Variants in TMOD3 observed in about 807,000 individuals in gnomAD.
TMOD3 encodes the protein tropomodulin 3.
Under a neutral mutation model 39.2 loss-of-function variants are expected in TMOD3, and 20 were observed. The observed-to-expected ratio is 0.51, with a 90% CI of 0.36 to 0.74. The LOEUF (loss-of-function observed/expected upper bound fraction) is 0.74. Among genes scored for constraint, TMOD3 ranks in the 30% least tolerant of loss-of-function variants. The probability of loss-of-function intolerance (pLI) is 0.00; values close to 1 mark genes in which losing one functional copy is unlikely to be tolerated. For missense variants in TMOD3, 381 were observed against 412.8 expected (o/e 0.92, Z 0.67); for synonymous variants, 143 against 145.8 (o/e 0.98, Z 0.14).
Position 51,914,016 on chromosome 15 carries a change from A to G in TMOD3, c.*5206A>G. On this transcript the variant is annotated 3_prime_UTR_variant, in exon 10 of 10. Transcript: ENST00000308580. Reference sequence around the variant, plus strand: ...CAATGAGAGTGAAACTCTTATCTCAAAAAAAAAAAAAAAAAAAGAGCTATA... The same window carrying G: ...CAATGAGAGTGAAACTCTTATCTCAGAAAAAAAAAAAAAAAAAGAGCTATA... 1 of 23,796 alleles carries G rather than the reference A, an allele frequency of 4.2e-5. No homozygotes were observed. Among genetic ancestry groups the G allele is most frequent in the African/African-American group, 2.4e-4 (1 of 4,140 alleles). 1.5% of individuals were successfully genotyped at this position (23,796 alleles called of 1,614,324 possible). A position where few individuals can be genotyped will look rare whatever the true frequency, so the allele number is the denominator to read the frequency against.
In TMOD3 at chr15:51,908,849, C is replaced by CT. The variant is rs763018645; in HGVS notation, c.*39_*40insT. The stretch of plus-strand genomic sequence containing the variant: ...TAATCTTTGGAAGACTTCAGAAGAT[C>CT]ACCAAGGGCTCATGTTGGTGACATC... On this transcript the variant is annotated 3_prime_UTR_variant, in exon 10 of 10. Transcript: ENST00000308580. The CT allele has an allele frequency of 1.1e-5, 17 of 1,559,586 alleles. No individual in the cohort carries two copies. In the South Asian group the frequency reaches 1.6e-4, roughly 15 times the overall value.
chr15:51,899,665 C>CAA (rs796730770), intron 7 of TMOD3, among the ~76,000 whole-genome samples: 1 of 88,612 alleles, frequency 1.1e-5, no homozygotes, highest in African/African-American at 4.1e-5. Flanking sequence ...GACCCTGTCT[C>CAA]AAAAAAAAAA....
At chr15:51,866,267 C>T (rs2056444962) in intron 2 of TMOD3, among the ~76,000 whole-genome samples, 1 of 151,970 alleles carries the variant, frequency 6.6e-6, no homozygotes, top group Non-Finnish European at 1.5e-5. Context: ...CCATCCTGGG[C>T]AACATAGCAA....
At chr15:51,875,753 C>A (rs1411887786) in intron 3 of TMOD3, among the ~76,000 whole-genome samples, 1 of 151,866 alleles carries the variant, frequency 6.6e-6, no homozygotes, top group African/African-American at 2.4e-5. Flanking sequence ...GTAACTGGGA[C>A]TACAGGCAGC....
rs1292546584 is a variant in TMOD3 at position 51,913,422 on chromosome 15, G to A, written c.*4612G>A. On this transcript the variant is annotated 3_prime_UTR_variant, in exon 10 of 10. Coordinates refer to ENST00000308580, the MANE Select transcript of TMOD3 (RefSeq NM_014547.5). ...TTCAGATTAGGGATGCTGAACTGGT[G>A]TAATGCCCAGTATTCCAAAATCCAA... is the stretch of plus-strand genomic sequence containing the variant. 1.3e-5 allele frequency: 2 copies of A among 152,174 alleles called. No individual in the cohort carries two copies. The highest frequency in any genetic ancestry group is 2.4e-5 in the African/African-American group (1 of 41,434). 9.4% of individuals were successfully genotyped at this position (152,174 alleles called of 1,614,324 possible).
At chr15:51,844,138 C>T (rs770592713) in intron 1 of TMOD3, among the ~76,000 whole-genome samples, 4 of 152,126 alleles carry the variant, frequency 2.6e-5, no homozygotes, top group Non-Finnish European at 5.9e-5. Flanking sequence ...TGGGGTCCTC[C>T]TGGATATATA....
intron 1 of TMOD3, chr15:51,833,193 T>C (rs1366173050): frequency 6.6e-6 from 1 of 152,246 alleles, no homozygotes; most frequent in Non-Finnish European, 1.5e-5. Flanking sequence ...GAACATACAT[T>C]CTGTTATCTA....
At chr15:51,893,757 T>G in intron 5 of TMOD3, 58 bp from the exon 6 acceptor site, 2 of 1,376,028 alleles carry the variant, frequency 1.5e-6, no homozygotes, top group Non-Finnish European at 1.9e-6. Flanking sequence ...AGTGCGAGAC[T>G]CCGTCTCAAA....
At chr15:51,906,123 G>A (rs569150803) in intron 9 of TMOD3, among the ~76,000 whole-genome samples, 1 of 152,216 alleles carries the variant, frequency 6.6e-6, no homozygotes, top group South Asian at 2.1e-4. Flanking sequence ...TTGCCCCATT[G>A]TCCTCTGTTG....
At chr15:51,892,440 G>T (rs532782135) in intron 5 of TMOD3, 3 of 152,366 alleles carry the variant, frequency 2.0e-5, no homozygotes, top group Non-Finnish European at 2.9e-5. Flanking sequence ...CAGGTCCTCT[G>T]TCGTTCACAT....
intron 4 of TMOD3, among the ~76,000 whole-genome samples, chr15:51,888,689 C>T (rs1335800289): frequency 6.6e-6 from 1 of 152,098 alleles, no homozygotes; most frequent in Non-Finnish European, 1.5e-5. Context: ...TAAAAATCTG[C>T]TTTTTGTCAT....
At chr15:51,901,137 C>T (rs1307689772) in intron 8 of TMOD3, 2 of 152,190 alleles carry the variant, frequency 1.3e-5, no homozygotes, top group African/African-American at 4.8e-5. Context: ...TTTCACCTGG[C>T]ATAATGTTCT....
intron 1 of TMOD3, chr15:51,860,072 CCCT>C: frequency 1.9e-6 from 1 of 514,884 alleles, no homozygotes; most frequent in South Asian, 1.4e-5. Context: ...CTCCTTCTGG[CCCT>C]CCTCTGCTTT....
intron 3 of TMOD3, among the ~76,000 whole-genome samples, chr15:51,886,179 C>G (rs2056561722): frequency 6.6e-6 from 1 of 151,442 alleles, no homozygotes; most frequent in Non-Finnish European, 1.5e-5. Flanking sequence ...CCTCACTTCC[C>G]AGACTGGGCA....
intron 5 of TMOD3, chr15:51,892,545 C>G (rs2056598986): frequency 6.6e-6 from 1 of 152,162 alleles, no homozygotes; most frequent in African/African-American, 2.4e-5. Flanking sequence ...GTCTCAGTAG[C>G]TCTTCTGTGT....
At chr15:51,889,634 C>T (rs1051140090) in intron 5 of TMOD3, among the ~76,000 whole-genome samples, 4 of 152,062 alleles carry the variant, frequency 2.6e-5, no homozygotes, top group Admixed American at 2.6e-4. Flanking sequence ...TTTTCTGAGG[C>T]TGAGGCAGGA....
chr15:51,832,202 AT>A (rs1174362991), intron 1 of TMOD3, among the ~76,000 whole-genome samples: 2 of 49,124 alleles, frequency 4.1e-5, no homozygotes, highest in Non-Finnish European at 8.7e-5. Context: ...AAGAAAAAAA[AT>A]TATATATATA....
chr15:51,877,911 C>T (rs2056513125), intron 3 of TMOD3, among the ~76,000 whole-genome samples: 1 of 151,788 alleles, frequency 6.6e-6, no homozygotes, highest in Non-Finnish European at 1.5e-5. Flanking sequence ...TTTCCCTTGG[C>T]TCAAGGTAGT....
chr15:51,862,232 T>C lies in TMOD3; in HGVS notation c.-74-579T>C, dbSNP rs538062351. Among the ~76,000 whole-genome samples, 4 of 152,324 alleles carry C rather than the reference T, an allele frequency of 2.6e-5. No individual in the cohort carries two copies. The South Asian group carries it at 8.3e-4, about 32-fold the overall frequency. On this transcript the variant is annotated intron_variant, in intron 1 of 9. Transcript: ENST00000308580. ...GTGGATGACATATCCCAGCATGATT[T>C]TGAGTATTTTACTCAATCATCTTCA...
Sources: allele counts gnomAD v4.1 joint callset (sites outside exome capture counted in the v4.1 genomes callset), GRCh38; gene constraint gnomAD v4.1.1; transcripts MANE v1.5; gene names NCBI Gene and HGNC (gene_info 2026-07-23, HGNC 2026-07-21).